OTUD3: variants seen among roughly 807,000 people sequenced by gnomAD.
OTUD3 encodes the protein OTU deubiquitinase 3.
A neutral mutation model predicts 46.2 loss-of-function variants in OTUD3; 24 were observed. The ratio of observed to expected loss-of-function variants is 0.52; its 90% confidence interval spans 0.38 to 0.73. OTUD3 has a LOEUF of 0.73. OTUD3 is among the 30% of genes least tolerant of loss of function. The pLI, the probability that OTUD3 is intolerant of heterozygous loss-of-function variation, is 0.00. For missense variants in OTUD3, 455 were observed against 523.3 expected, an observed-to-expected ratio of 0.87 and a Z score of 1.27; for synonymous variants, 189 against 195.4, an observed-to-expected ratio of 0.97 and a Z score of 0.27.
At chr1:19,900,007 C>G (rs568332013) in intron 4 of OTUD3, among the ~76,000 whole-genome samples, 2 of 152,116 alleles carry the variant, frequency 1.3e-5, no homozygotes, top group East Asian at 3.9e-4. Flanking sequence ...GTTTTTCGCA[C>G]TCTGTCATTT....
chr1:19,907,680 CAG>C lies in OTUD3; in HGVS notation c.1133_1134del (p.Arg378LysfsTer91). The C allele has an allele frequency of 1.9e-6, 3 of 1,614,206 alleles. No homozygotes were observed. Among genetic ancestry groups the C allele is most frequent in the Non-Finnish European group, 2.5e-6 (3 of 1,180,034 alleles). On this transcript the variant is annotated frameshift_variant, in exon 8 of 8. Coordinates refer to ENST00000375120, the MANE Select transcript of OTUD3 (RefSeq NM_015207.2). LOFTEE classifies it high-confidence loss of function. Reference protein sequence around the residue: ...ESRGSHRDNNRSEAEANTQVT... With the variant: ...ESRGSHRDNNXSEAEANTQVT... ...GCAGAGGTAGCCACAGGGACAATAA[CAG>C]AAGCGAAGCAGAGGCGAACACGCAG...
chr1:19,907,466 C>G (rs2045675506), intron 7 of OTUD3, 104 bp from the exon 8 acceptor site: 3 of 1,049,952 alleles, frequency 2.9e-6, no homozygotes, highest in Non-Finnish European at 2.8e-6. Flanking sequence ...TTTCCCTGTT[C>G]CTGCTGAAAA....
At chr1:19,887,177 C>T (rs1259502554) in intron 1 of OTUD3, among the ~76,000 whole-genome samples, 1 of 151,668 alleles carries the variant, frequency 6.6e-6, no homozygotes, top group Non-Finnish European at 1.5e-5. Flanking sequence ...CTCTGCCTCC[C>T]AGGTTCAAGC....
At chr1:19,892,327 C>A (rs904644044) in intron 2 of OTUD3, among the ~76,000 whole-genome samples, 1 of 152,166 alleles carries the variant, frequency 6.6e-6, no homozygotes, top group Middle Eastern at 3.2e-3. Flanking sequence ...AGTCTTGAGT[C>A]ATAGTTACCT....
chr1:19,896,732 C>G (rs755765126), intron 3 of OTUD3, among the ~76,000 whole-genome samples: 14 of 152,142 alleles, frequency 9.2e-5, no homozygotes, highest in Admixed American at 2.6e-4. Flanking sequence ...TTCTAAGGGA[C>G]AAAGTTAGAA....
intron 4 of OTUD3, among the ~76,000 whole-genome samples, chr1:19,898,728 CAA>C (rs754569616): frequency 5.3e-5 from 6 of 113,988 alleles, no homozygotes; most frequent in African/African-American, 3.2e-5. Context: ...AACTCCATCT[CAA>C]AAAAAAAAAA....
intron 4 of OTUD3, among the ~76,000 whole-genome samples, chr1:19,899,210 C>T (rs764734615): frequency 7.9e-5 from 12 of 152,168 alleles, no homozygotes; most frequent in Non-Finnish European, 1.8e-4. Flanking sequence ...TGTACTTCAG[C>T]CACACTGTTT....
At chr1:19,890,206 G>A (rs984162911) in intron 1 of OTUD3, among the ~76,000 whole-genome samples, 179 bp from the exon 2 acceptor site, 2 of 152,310 alleles carry the variant, frequency 1.3e-5, no homozygotes, top group South Asian at 2.1e-4. Flanking sequence ...AGGTAATATG[G>A]TTGAATATGC....
intron 3 of OTUD3, among the ~76,000 whole-genome samples, chr1:19,896,479 G>A (rs948534890): frequency 6.6e-6 from 1 of 152,080 alleles, no homozygotes; most frequent in African/African-American, 2.4e-5. Flanking sequence ...GACAAATGGT[G>A]CTCTCTATTT....
chr1:19,887,082 C>CTTTTTTTTTTTT (rs35763768), intron 1 of OTUD3, among the ~76,000 whole-genome samples: 3 of 133,476 alleles, frequency 2.2e-5, no homozygotes, highest in African/African-American at 2.8e-5. Context: ...TTTTCTTTTT[C>CTTTTTTTTTTTT]TTTTTTTTTT....
intron 2 of OTUD3, among the ~76,000 whole-genome samples, chr1:19,891,732 C>T (rs1441162708): frequency 6.6e-6 from 1 of 152,142 alleles, no homozygotes; most frequent in Non-Finnish European, 1.5e-5. Flanking sequence ...TATCAGTGAT[C>T]CCAAAGTGTT....
rs1431294821 is a variant in OTUD3 at position 19,909,455 on chromosome 1, G to A, written c.*1709G>A. 2 of 152,300 alleles carry A rather than the reference G, an allele frequency of 1.3e-5. No homozygotes were observed. The highest frequency in any genetic ancestry group is 2.9e-5 in the Non-Finnish European group (2 of 68,026). 9.4% of individuals were successfully genotyped at this position (152,300 alleles called of 1,614,324 possible). On this transcript the variant is annotated 3_prime_UTR_variant, in exon 8 of 8. Coordinates refer to ENST00000375120, the MANE Select transcript of OTUD3 (RefSeq NM_015207.2). ...CGCAGAGTCCTGAGCTTGAGGCTGT[G>A]TTACTCTACTCATTCCAAACGAATG...
chr1:19,907,559 TTCTC>T lies in OTUD3; in HGVS notation c.1021-6_1021-3del. ...GTGCTTCCTACTCACCACCATGGCC[TTCTC>T]TCTCAGGTCACAAACAAACAGAGGC... On this transcript the variant is annotated splice_polypyrimidine_tract_variant and splice_region_variant and intron_variant, in intron 7 of 7. Transcript: ENST00000375120. The T allele has an allele frequency of 1.2e-6, 2 of 1,613,624 alleles. No individual in the cohort carries two copies. The highest frequency in any genetic ancestry group is 2.2e-5 in the South Asian group (2 of 91,050).
rs1361184228 is a variant in OTUD3 at position 19,890,473 on chromosome 1, A to G, written c.310A>G (p.Ile104Val). The G allele has an allele frequency of 6.2e-7, 1 of 1,613,978 alleles. No individual in the cohort carries two copies. The highest frequency in any genetic ancestry group is 8.5e-7 in the Non-Finnish European group (1 of 1,179,842). The change falls in exon 2 of 8, where the codon ATA (isoleucine) becomes GTA (valine). Residue 104 changes from isoleucine to valine, a missense_variant. By Grantham distance (29) the Ile-to-Val change is conservative (BLOSUM62 3). Transcript: ENST00000375120. ...CAGACAGGAGACAGTGGACTACATG[A>G]TAAAGCAGCGGGAAGATTTTGAACC... ...KHRQETVDYM[I>V]KQREDFEPFV... is the part of the protein sequence containing the mutation.
chr1:19,900,915 T>TG (rs2045579260), intron 4 of OTUD3, among the ~76,000 whole-genome samples: 1 of 147,858 alleles, frequency 6.8e-6, no homozygotes, highest in Non-Finnish European at 1.5e-5. Context: ...TTTTTTTTTT[T>TG]GTTTTTTTTT....
rs971934430 is a variant in OTUD3 at position 19,898,691 on chromosome 1, G to A, written c.606+1029G>A. On this transcript the variant is annotated intron_variant, in intron 4 of 7. Transcript: ENST00000375120. ...TGCAGTGAGTCGACATAGCACCATT[G>A]CACTCCAGCCTGGGCAACAAGAGCA... Among the ~76,000 whole-genome samples the A allele has an allele frequency of 5.4e-5, 8 of 149,208 alleles. No individual in the cohort carries two copies. The South Asian group carries it at 1.7e-3, about 31-fold the overall frequency.
rs771190012 is a variant in OTUD3 at position 19,890,532 on chromosome 1, T to C, written c.369T>C (p.His123=). 1.2e-6 allele frequency: 2 copies of C among 1,613,692 alleles called. No homozygotes were observed. The highest frequency in any genetic ancestry group is 1.7e-6 in the Non-Finnish European group (2 of 1,179,636). Residue 123 remains histidine (H), a splice_region_variant and synonymous_variant, in exon 2 of 8, where the codon CAT becomes CAC. Coordinates refer to ENST00000375120, the MANE Select transcript of OTUD3 (RefSeq NM_015207.2). Reference sequence around the variant, plus strand: ...AAGATGACATTCCTTTTGAGAAGCATGGTAGGTTCACTGTGGGACATTGTG... The same window carrying C: ...AAGATGACATTCCTTTTGAGAAGCACGGTAGGTTCACTGTGGGACATTGTG... ...FVEDDIPFEK[H]VASLAKPGTF...
intron 1 of OTUD3, among the ~76,000 whole-genome samples, chr1:19,885,875 G>C (rs980504638): frequency 5.9e-5 from 9 of 152,222 alleles, no homozygotes; most frequent in African/African-American, 2.2e-4. Flanking sequence ...ATTACAATCT[G>C]GAGTAGCCTG....
At position 19,912,426 on chromosome 1, in the gene OTUD3, C is replaced by G. The variant is rs965619517; in HGVS notation, c.*4680C>G. 1.3e-5 allele frequency: 2 copies of G among 152,994 alleles called. No homozygotes were observed. Among genetic ancestry groups the G allele is most frequent in the African/African-American group, 4.8e-5 (2 of 41,466 alleles). 9.5% of individuals were successfully genotyped at this position (152,994 alleles called of 1,614,324 possible). A position where few individuals can be genotyped will look rare whatever the true frequency, so the allele number is the denominator to read the frequency against. ...CTCCCCAGTGCCTCTTCCAGAGCCT[C>G]CACCAGCACTAAGCTCAGAGGAAAG... On this transcript the variant is annotated 3_prime_UTR_variant, in exon 8 of 8. Coordinates refer to ENST00000375120, the MANE Select transcript of OTUD3 (RefSeq NM_015207.2).
Sources: allele counts gnomAD v4.1 joint callset (sites outside exome capture counted in the v4.1 genomes callset), GRCh38; gene constraint gnomAD v4.1.1; transcripts MANE v1.5; gene names NCBI Gene and HGNC (gene_info 2026-07-23, HGNC 2026-07-21).